Variants in SUPT3H observed in about 807,000 individuals in gnomAD.
SUPT3H encodes the protein SPT3 homolog, SAGA and STAGA complex component.
Under a neutral mutation model 44.3 loss-of-function variants are expected in SUPT3H, and 44 were observed. The ratio of observed to expected loss-of-function variants is 0.99; its 90% confidence interval spans 0.78 to 1.28. The LOEUF is 1.28. SUPT3H is among the 50% of genes most tolerant of loss of function. The pLI is 0.00. For synonymous variants in SUPT3H, 124 were observed against 125.6 expected (o/e 0.99, Z 0.09); for missense variants, 380 against 387.1 (o/e 0.98, Z 0.15).
chr6:45,123,070 G>T (rs540028016), intron 2 of SUPT3H, among the ~76,000 whole-genome samples: 1 of 152,214 alleles, frequency 6.6e-6, no homozygotes, highest in South Asian at 2.1e-4. Context: ...TGGGTTTTCT[G>T]ATTTAAAATT....
chr6:44,954,501 C>T lies in SUPT3H; in HGVS notation c.687G>A (p.Val229=), dbSNP rs1483822613. The change falls in exon 8 of 11, where the codon GTG becomes GTA. Residue 229 remains valine (V), a synonymous_variant. Coordinates refer to ENST00000371459, the MANE Select transcript of SUPT3H (RefSeq NM_003599.4). ...EILAYLAYET[V]AQLVDLALLV... ...GACAGATTAGAATTCTTACCTGTGC[C>T]ACAGTTTCATACGCTAAATATGCTA... 1 of 1,612,702 alleles carries T rather than the reference C, an allele frequency of 6.2e-7. No individual in the cohort carries two copies. Among genetic ancestry groups the T allele is most frequent in the African/African-American group, 1.3e-5 (1 of 74,984 alleles).
chr6:45,032,245 T>G (rs1189534946), intron 3 of SUPT3H, among the ~76,000 whole-genome samples: 1 of 152,150 alleles, frequency 6.6e-6, no homozygotes, highest in African/African-American at 2.4e-5. Context: ...GCAGTATATG[T>G]AAAATGAAAT....
intron 3 of SUPT3H, among the ~76,000 whole-genome samples, chr6:45,025,029 T>C (rs1785744688): frequency 1.3e-5 from 2 of 152,190 alleles, no homozygotes; most frequent in African/African-American, 2.4e-5. Context: ...TGGGAATCCT[T>C]AGACTCCATA....
At chr6:45,185,828 G>A (rs1814114749) in intron 2 of SUPT3H, among the ~76,000 whole-genome samples, 1 of 152,194 alleles carries the variant, frequency 6.6e-6, no homozygotes, top group Non-Finnish European at 1.5e-5. Flanking sequence ...TGAAGAGGCA[G>A]TGTCAAGCAG....
At chr6:44,885,125 G>A (rs1778950420) in intron 10 of SUPT3H, among the ~76,000 whole-genome samples, 1 of 152,210 alleles carries the variant, frequency 6.6e-6, no homozygotes, top group African/African-American at 2.4e-5. Flanking sequence ...GCTCGAACTG[G>A]GTGGAGCCCA....
chr6:45,158,416 G>T (rs1014480476), intron 2 of SUPT3H, among the ~76,000 whole-genome samples: 1 of 148,696 alleles, frequency 6.7e-6, no homozygotes, highest in African/African-American at 2.5e-5. Context: ...ATAAACTGTA[G>T]TGTCCAGAAG....
chr6:44,839,325 T>A (rs950155939), intron 10 of SUPT3H, among the ~76,000 whole-genome samples: 21 of 152,096 alleles, frequency 1.4e-4, no homozygotes, highest in African/African-American at 4.8e-4. Flanking sequence ...TATTATTATT[T>A]TTTTTTGAAA....
intron 2 of SUPT3H, among the ~76,000 whole-genome samples, chr6:45,160,339 A>G (rs1808731793): frequency 6.6e-6 from 1 of 152,194 alleles, no homozygotes; most frequent in Admixed American, 6.6e-5. Flanking sequence ...GTCGTATAAC[A>G]GTAGTGCTTC....
intron 11 of SUPT3H, among the ~76,000 whole-genome samples, chr6:44,811,250 C>T (rs1766499112): frequency 6.6e-6 from 1 of 152,106 alleles, no homozygotes; most frequent in Non-Finnish European, 1.5e-5. Context: ...TTCTGTAATG[C>T]CTCTCAAGTG....
intron 3 of SUPT3H, among the ~76,000 whole-genome samples, chr6:45,034,314 C>G (rs1054382958): frequency 6.6e-6 from 1 of 151,864 alleles, no homozygotes; most frequent in African/African-American, 2.4e-5. Context: ...CAGTCCCCTC[C>G]CACAGGCCAA....
chr6:44,975,569 G>C (rs1170583517), intron 6 of SUPT3H, among the ~76,000 whole-genome samples: 2 of 150,860 alleles, frequency 1.3e-5, no homozygotes, highest in Non-Finnish European at 3.0e-5. Flanking sequence ...AGGAACTTTG[G>C]AGACTTGGTG....
intron 2 of SUPT3H, among the ~76,000 whole-genome samples, chr6:45,310,024 A>G (rs1343174492): frequency 6.6e-6 from 1 of 150,974 alleles, no homozygotes; most frequent in Middle Eastern, 3.4e-3. Flanking sequence ...TACTCTGGGA[A>G]GTGGAAAGCC....
In SUPT3H at chr6:45,294,180, C is replaced by A. The variant is rs542637021; in HGVS notation, c.101+71021G>T. 6.6e-5 allele frequency among the ~76,000 whole-genome samples: 10 copies of A among 152,268 alleles called. No individual in the cohort carries two copies. The East Asian group carries it at 1.7e-3, about 26-fold the overall frequency. On this transcript the variant is annotated intron_variant, in intron 2 of 10. Transcript: ENST00000371459. The stretch of plus-strand genomic sequence containing the variant: ...TACCAGGGATACAGGGATGGTTTAA[C>A]ATACACAAGTTAATAAATGTGATAC...
chr6:45,239,292 A>G (rs572969818), intron 2 of SUPT3H, among the ~76,000 whole-genome samples: 3 of 152,308 alleles, frequency 2.0e-5, no homozygotes, highest in Non-Finnish European at 2.9e-5. Flanking sequence ...CAGCTCATAC[A>G]TGTCTTCCAG....
At chr6:45,354,457 T>A (rs779691756) in intron 2 of SUPT3H, among the ~76,000 whole-genome samples, 1 of 152,270 alleles carries the variant, frequency 6.6e-6, no homozygotes, top group South Asian at 2.1e-4. Context: ...AAAGGAATCA[T>A]AGATGCTTTT....
intron 2 of SUPT3H, among the ~76,000 whole-genome samples, chr6:45,142,370 C>T (rs779656685): frequency 4.6e-5 from 7 of 152,038 alleles, no homozygotes; most frequent in Admixed American, 3.3e-4. Context: ...GTAACAACTA[C>T]CATGATAACT....
intron 2 of SUPT3H, among the ~76,000 whole-genome samples, chr6:45,345,789 A>G (rs191205653): frequency 1.3e-5 from 2 of 152,278 alleles, no homozygotes; most frequent in East Asian, 3.9e-4. Flanking sequence ...AAAGGTTTCC[A>G]ATTGTCTTTG....
intron 6 of SUPT3H, among the ~76,000 whole-genome samples, chr6:44,964,217 C>T (rs572871093): frequency 6.6e-6 from 1 of 152,144 alleles, no homozygotes; most frequent in East Asian, 1.9e-4. Flanking sequence ...ACAAATGCGA[C>T]TGTTTTATTC....
intron 2 of SUPT3H, among the ~76,000 whole-genome samples, chr6:45,321,438 T>C (rs1785483443): frequency 6.6e-6 from 1 of 152,172 alleles, no homozygotes; most frequent in Admixed American, 6.5e-5. Flanking sequence ...ATTTTACAAA[T>C]GTATTTATTT....
Sources: gnomAD v4.1 joint callset for allele counts (sites outside exome capture counted in the v4.1 genomes callset) on GRCh38, gnomAD v4.1.1 for gene constraint, MANE v1.5 for transcripts, NCBI Gene and HGNC (gene_info 2026-07-23, HGNC 2026-07-21) for gene names.